The following SND1 variants were observed in gnomAD, a reference collection of about 807,000 sequenced individuals.
SND1 encodes the protein staphylococcal nuclease and tudor domain containing 1, also known as staphylococcal nuclease domain-containing protein 1.
In SND1, 38 loss-of-function variants were observed where a neutral mutation model predicts 121.7. That is an observed-to-expected ratio of 0.31 (90% CI 0.24 to 0.41). The LOEUF is 0.41. Ranked by LOEUF, SND1 falls within the 10% of genes least tolerant of loss-of-function variation. The pLI is 1.00. For synonymous variants in SND1, 401 were observed against 447.4 expected (o/e 0.90, Z 1.31); for missense variants, 868 against 1,184.6 (o/e 0.73, Z 3.92).
intron 15 of SND1, among the ~76,000 whole-genome samples, chr7:127,948,035 G>A (rs1166307097): frequency 1.3e-5 from 2 of 152,180 alleles, no homozygotes; most frequent in Non-Finnish European, 2.9e-5. Context: ...GTGTAGTAGG[G>A]TTGAGGTAGG....
chr7:127,900,894 G>A (rs1418552646), intron 13 of SND1, among the ~76,000 whole-genome samples: 2 of 152,168 alleles, frequency 1.3e-5, no homozygotes, highest in Admixed American at 6.5e-5. Flanking sequence ...CTGCCCCACT[G>A]TTTCCTTTCT....
At chr7:127,754,456 T>G (rs1797158363) in intron 10 of SND1, among the ~76,000 whole-genome samples, 1 of 152,246 alleles carries the variant, frequency 6.6e-6, no homozygotes, top group African/African-American at 2.4e-5. Context: ...CTCACTCATA[T>G]GTCCATAATA....
At chr7:127,976,876 G>C (rs554385005) in intron 15 of SND1, among the ~76,000 whole-genome samples, 1 of 152,320 alleles carries the variant, frequency 6.6e-6, no homozygotes, top group Admixed American at 6.5e-5. Flanking sequence ...AATGGAGGCC[G>C]TGGAGGCAGG....
intron 14 of SND1, among the ~76,000 whole-genome samples, chr7:127,927,173 T>A (rs1446744608): frequency 6.6e-6 from 1 of 152,212 alleles, no homozygotes; most frequent in Non-Finnish European, 1.5e-5. Context: ...CTTGTTAGTT[T>A]AAACATGAAA....
At chr7:127,985,258 C>A (rs142589831) in intron 15 of SND1, among the ~76,000 whole-genome samples, 1 of 152,320 alleles carries the variant, frequency 6.6e-6, no homozygotes, top group Non-Finnish European at 1.5e-5. Flanking sequence ...TTGTCCACTA[C>A]ATTCTGCCAA....
chr7:127,954,043 C>A (rs1158078557), intron 15 of SND1, among the ~76,000 whole-genome samples: 1 of 152,148 alleles, frequency 6.6e-6, no homozygotes, highest in African/African-American at 2.4e-5. Flanking sequence ...CTTACAAGCT[C>A]CTCGTGGGAT....
intron 15 of SND1, among the ~76,000 whole-genome samples, chr7:127,955,049 C>T (rs2116860988): frequency 6.6e-6 from 1 of 152,318 alleles, no homozygotes; most frequent in South Asian, 2.1e-4. Context: ...TTGAAGGATA[C>T]TGGCTCAAGA....
At chr7:128,067,558 T>A in intron 16 of SND1, among the ~76,000 whole-genome samples, 1 of 152,122 alleles carries the variant, frequency 6.6e-6, no homozygotes, top group East Asian at 1.9e-4. Flanking sequence ...TGTGCTGGGC[T>A]CTTTTCTACT....
At chr7:127,959,631 A>G (rs932205174) in intron 15 of SND1, among the ~76,000 whole-genome samples, 4 of 152,132 alleles carry the variant, frequency 2.6e-5, no homozygotes, top group Non-Finnish European at 4.4e-5. Flanking sequence ...TGTTTCTCCA[A>G]CCGTCCTCTT....
rs375586727 is a variant in SND1 at position 127,721,437 on chromosome 7, A to G, written c.1152+37A>G. ...GAAGCAGCCGCGCCTCTTTGCATAAACCAAAAGGAAGAAGTTGGAGAATTG... is the reference window on the plus strand; with the variant it reads ...GAAGCAGCCGCGCCTCTTTGCATAAGCCAAAAGGAAGAAGTTGGAGAATTG... On this transcript the variant is annotated intron_variant, in intron 10 of 23. Transcript: ENST00000354725. 21 of 1,212,116 alleles carry G rather than the reference A, an allele frequency of 1.7e-5. No individual in the cohort carries two copies. In the African/African-American group the frequency reaches 1.8e-4, roughly 10 times the overall value. 75.1% of individuals were successfully genotyped at this position (1,212,116 alleles called of 1,614,324 possible). A position where few individuals can be genotyped will look rare whatever the true frequency, so the allele number is the denominator to read the frequency against.
At chr7:127,713,732 G>A (rs899553295) in intron 9 of SND1, among the ~76,000 whole-genome samples, 1 of 152,224 alleles carries the variant, frequency 6.6e-6, no homozygotes, top group African/African-American at 2.4e-5. Flanking sequence ...CCTGAGAAAT[G>A]TGAAACTTGA....
intron 12 of SND1, chr7:127,857,715 A>C: frequency 3.4e-6 from 2 of 595,666 alleles, no homozygotes; most frequent in Non-Finnish European, 6.1e-6. Flanking sequence ...AAGGCCCCAC[A>C]ACTAAAGGCT....
intron 16 of SND1, among the ~76,000 whole-genome samples, chr7:127,995,153 A>C (rs546766010): frequency 2.0e-5 from 3 of 152,368 alleles, no homozygotes; most frequent in Admixed American, 2.0e-4. Flanking sequence ...TTTACCAAAA[A>C]GTTTGCTGAC....
At chr7:128,078,783 G>T (rs1235941147) in intron 17 of SND1, among the ~76,000 whole-genome samples, 1 of 152,262 alleles carries the variant, frequency 6.6e-6, no homozygotes, top group Non-Finnish European at 1.5e-5. Flanking sequence ...CAAAGGAGCA[G>T]GGTGGGGCTA....
chr7:127,668,813 C>G (rs1402375220), intron 1 of SND1, among the ~76,000 whole-genome samples: 2 of 152,136 alleles, frequency 1.3e-5, no homozygotes, highest in African/African-American at 4.8e-5. Context: ...GGCAAGCATG[C>G]CCTCACTTCT....
At chr7:127,689,235 A>G (rs934606382) in intron 2 of SND1, among the ~76,000 whole-genome samples, 1 of 152,228 alleles carries the variant, frequency 6.6e-6, no homozygotes, top group Non-Finnish European at 1.5e-5. Context: ...TTCTCTTACT[A>G]CAGATACTCC....
At chr7:127,751,265 G>A (rs750706126) in intron 10 of SND1, among the ~76,000 whole-genome samples, 2 of 152,114 alleles carry the variant, frequency 1.3e-5, no homozygotes, top group African/African-American at 2.4e-5. Flanking sequence ...CTCAAAAGAA[G>A]CATTCTTAGC....
intron 10 of SND1, among the ~76,000 whole-genome samples, chr7:127,763,807 G>A (rs187210479): frequency 7.8e-4 from 118 of 152,050 alleles, no homozygotes; most frequent in Non-Finnish European, 1.5e-3. Context: ...GAAAAGCGTA[G>A]GGCCAGGCAG....
At chr7:127,727,247 A>C (rs1269286421) in intron 10 of SND1, among the ~76,000 whole-genome samples, 3 of 152,158 alleles carry the variant, frequency 2.0e-5, no homozygotes, top group Admixed American at 1.3e-4. Flanking sequence ...CTGGCTCTCC[A>C]GGGCAGGCAG....
Sources: allele counts gnomAD v4.1 joint callset (sites outside exome capture counted in the v4.1 genomes callset), GRCh38; gene constraint gnomAD v4.1.1; transcripts MANE v1.5; gene names NCBI Gene and HGNC (gene_info 2026-07-23, HGNC 2026-07-21).